VKORC1L1: variants seen among roughly 807,000 people sequenced by gnomAD.
VKORC1L1 encodes the protein vitamin K epoxide reductase complex subunit 1-like protein 1.
A neutral mutation model predicts 18.9 loss-of-function variants in VKORC1L1; 2 were observed. The ratio of observed to expected loss-of-function variants is 0.11; its 90% CI spans 0.04 to 0.33. The LOEUF (loss-of-function observed/expected upper bound fraction) is 0.33, where lower values mean the gene tolerates loss of function less well. Ranked by LOEUF, VKORC1L1 falls within the 10% of genes least tolerant of loss-of-function variation. VKORC1L1 has a pLI of 1.00. For synonymous variants in VKORC1L1, 96 were observed against 100.0 expected (o/e 0.96, Z 0.24); for missense variants, 123 against 224.1 (o/e 0.55, Z 2.88).
intron 1 of VKORC1L1, among the ~76,000 whole-genome samples, chr7:65,899,454 G>A (rs373168291): frequency 6.6e-6 from 1 of 152,158 alleles, no homozygotes; most frequent in East Asian, 1.9e-4. Flanking sequence ...TTATTCTAGA[G>A]CCCTCTGCAG....
Position 65,945,217 on chromosome 7 carries a change from C to T in VKORC1L1, c.195-3454C>T, listed in dbSNP as rs115034214. Reference sequence around the variant, plus strand: ...TGAAGGTTGCATTGAGCTGAGATTGCGCTGCTACACTCCAGCCTGGGCGAC... The same window carrying T: ...TGAAGGTTGCATTGAGCTGAGATTGTGCTGCTACACTCCAGCCTGGGCGAC... On this transcript the variant is annotated intron_variant, in intron 1 of 2. Transcript: ENST00000360768. Among the ~76,000 whole-genome samples the T allele has an allele frequency of 7.8e-3, 1,176 of 151,450 alleles. 13 individuals are homozygous for T. The highest frequency in any genetic ancestry group is 0.026 in the African/African-American group (1,075 of 41,208).
intron 1 of VKORC1L1, among the ~76,000 whole-genome samples, chr7:65,917,617 T>C (rs1231800375): frequency 1.3e-5 from 2 of 152,210 alleles, no homozygotes; most frequent in Non-Finnish European, 2.9e-5. Context: ...AAGAATTTTC[T>C]AGAGAATGCC....
chr7:65,880,338 T>A (rs1788907287), intron 1 of VKORC1L1, among the ~76,000 whole-genome samples: 1 of 152,214 alleles, frequency 6.6e-6, no homozygotes, highest in Non-Finnish European at 1.5e-5. Flanking sequence ...GAAATTACTG[T>A]GAAGGTATTG....
intron 1 of VKORC1L1, among the ~76,000 whole-genome samples, chr7:65,903,999 C>T (rs1789364095): frequency 6.6e-6 from 1 of 152,144 alleles, no homozygotes; most frequent in East Asian, 1.9e-4. Context: ...CTAACAGGTA[C>T]AGGATTTCCC....
chr7:65,957,065 G>A lies in VKORC1L1; in HGVS notation c.*2765G>A, dbSNP rs1353883269. The A allele has an allele frequency of 2.6e-5, 4 of 152,134 alleles. No individual in the cohort carries two copies. The highest frequency in any genetic ancestry group is 2.1e-4 in the South Asian group (1 of 4,824). The allele number at this position is 152,134 out of a possible 1,614,324, so 9.4% of individuals were successfully genotyped here. A position where few individuals can be genotyped will look rare whatever the true frequency, so the allele number is the denominator to read the frequency against. ...TTGCTCTCACTAAAGGTAAATTTCC[G>A]GTGAAATAACTCAGGTTTAACTAGC... On this transcript the variant is annotated 3_prime_UTR_variant, in exon 3 of 3. Transcript: ENST00000360768.
At chr7:65,948,898 A>T (rs1790165103) in intron 2 of VKORC1L1, 118 bp downstream of exon 2, 7 of 1,290,308 alleles carry the variant, frequency 5.4e-6, no homozygotes, top group Non-Finnish European at 7.4e-6. Flanking sequence ...TAGCGTGTAC[A>T]ACATTTTTGT....
chr7:65,873,225 G>A lies in VKORC1L1; in HGVS notation c.-147G>A. ...GGGGCGGGGCCCGGAGCAGGCCACC[G>A]AGCCAATGGGGCGCGGCGGCGGCGG... On this transcript the variant is annotated 5_prime_UTR_variant, in exon 1 of 3. Coordinates refer to ENST00000360768, the MANE Select transcript of VKORC1L1 (RefSeq NM_173517.6). The A allele has an allele frequency of 1.1e-6, 1 of 944,610 alleles. No homozygotes were observed. The highest frequency in any genetic ancestry group is 1.3e-6 in the Non-Finnish European group (1 of 794,172). The allele number at this position is 944,610 out of a possible 1,614,324, so 58.5% of individuals were successfully genotyped here. A position where few individuals can be genotyped will look rare whatever the true frequency, so the allele number is the denominator to read the frequency against.
chr7:65,898,374 A>G (rs1440389496), intron 1 of VKORC1L1, among the ~76,000 whole-genome samples: 2 of 151,996 alleles, frequency 1.3e-5, no homozygotes, highest in African/African-American at 4.8e-5. Flanking sequence ...GTGAGCCACT[A>G]CGCCCGGCCA....
intron 1 of VKORC1L1, among the ~76,000 whole-genome samples, chr7:65,885,680 A>G (rs1304169173): frequency 3.3e-5 from 5 of 152,038 alleles, no homozygotes; most frequent in African/African-American, 1.2e-4. Flanking sequence ...CAAATGCCAC[A>G]AGGCTTTTCT....
At chr7:65,867,995 T>G in the VKORC1L1 span, among the ~76,000 whole-genome samples, 1 of 152,172 alleles carries the variant, frequency 6.6e-6, no homozygotes, top group African/African-American at 2.4e-5. Context: ...TACAGGCACA[T>G]GCCACCATGC....
chr7:65,911,640 C>T (rs1301938083), intron 1 of VKORC1L1, among the ~76,000 whole-genome samples: 1 of 152,060 alleles, frequency 6.6e-6, no homozygotes, highest in Non-Finnish European at 1.5e-5. Context: ...GCTATTTTGC[C>T]CAGGTTAGTC....
intron 1 of VKORC1L1, among the ~76,000 whole-genome samples, chr7:65,913,041 G>A (rs187337255): frequency 7.9e-5 from 12 of 152,288 alleles, no homozygotes; most frequent in Admixed American, 7.2e-4. Context: ...AGGTAGGGAG[G>A]TGTGGGTATC....
At chr7:65,933,878 T>G (rs958353969) in intron 1 of VKORC1L1, among the ~76,000 whole-genome samples, 25 of 152,228 alleles carry the variant, frequency 1.6e-4, no homozygotes, top group Admixed American at 1.6e-3. Context: ...CGTATTCTAG[T>G]TAGATTTTAT....
At chr7:65,926,344 C>T (rs536102528) in intron 1 of VKORC1L1, among the ~76,000 whole-genome samples, 36 of 152,030 alleles carry the variant, frequency 2.4e-4, no homozygotes, top group Non-Finnish European at 3.1e-4. Context: ...TTAGTAGAGA[C>T]GGGGTTTCAC....
intron 1 of VKORC1L1, among the ~76,000 whole-genome samples, chr7:65,948,188 T>G (rs1271525523): frequency 6.6e-6 from 1 of 152,102 alleles, no homozygotes; most frequent in Admixed American, 6.6e-5. Flanking sequence ...ACACCTGGGA[T>G]GGAGGAGTAC....
chr7:65,948,017 T>C (rs1283199003), intron 1 of VKORC1L1, among the ~76,000 whole-genome samples: 1 of 152,162 alleles, frequency 6.6e-6, no homozygotes, highest in Non-Finnish European at 1.5e-5. Flanking sequence ...TCCCAGTATA[T>C]TTCTTAATGC....
At chr7:65,912,400 G>A (rs1789516560) in intron 1 of VKORC1L1, among the ~76,000 whole-genome samples, 1 of 152,230 alleles carries the variant, frequency 6.6e-6, no homozygotes, top group Non-Finnish European at 1.5e-5. Context: ...AGCTCACAGT[G>A]TTGACAGCTG....
Position 65,957,388 on chromosome 7 carries a change from G to GGA in VKORC1L1, c.*3091_*3092dup, listed in dbSNP as rs1790313282. The GGA allele has an allele frequency of 6.6e-6, 1 of 152,268 alleles. No individual in the cohort carries two copies. Among genetic ancestry groups the GGA allele is most frequent in the Admixed American group, 6.6e-5 (1 of 15,240 alleles). The allele number at this position is 152,268 out of a possible 1,614,324, so 9.4% of individuals were successfully genotyped here. A position where few individuals can be genotyped will look rare whatever the true frequency, so the allele number is the denominator to read the frequency against. ...CCCAGCTACTCGGGAGGCTGAGGGAGGAGAATTGCTTGAGCCCGGGAGACA... is the reference window on the plus strand; with the variant it reads ...CCCAGCTACTCGGGAGGCTGAGGGAGGAGAGAATTGCTTGAGCCCGGGAGACA... On this transcript the variant is annotated 3_prime_UTR_variant, in exon 3 of 3. Transcript: ENST00000360768.
rs767727445 is a variant in VKORC1L1 at position 65,955,825 on chromosome 7, A to G, written c.*1525A>G. 10 of 152,190 alleles carry G rather than the reference A, an allele frequency of 6.6e-5. No individual in the cohort carries two copies. Among genetic ancestry groups the G allele is most frequent in the Non-Finnish European group, 1.3e-4 (9 of 68,026 alleles). The allele number at this position is 152,190 out of a possible 1,614,324, so 9.4% of individuals were successfully genotyped here. A position where few individuals can be genotyped will look rare whatever the true frequency, so the allele number is the denominator to read the frequency against. On this transcript the variant is annotated 3_prime_UTR_variant, in exon 3 of 3. Coordinates refer to ENST00000360768, the MANE Select transcript of VKORC1L1 (RefSeq NM_173517.6). ...AATCATTTTATGTTGAAAATAGTCAATGAGACCAGTATCTCTTGAGTGCTT... is the reference window on the plus strand; with the variant it reads ...AATCATTTTATGTTGAAAATAGTCAGTGAGACCAGTATCTCTTGAGTGCTT...
Sources: gnomAD v4.1 joint callset for allele counts (sites outside exome capture counted in the v4.1 genomes callset) on GRCh38, gnomAD v4.1.1 for gene constraint, MANE v1.5 for transcripts, NCBI Gene and HGNC (gene_info 2026-07-23, HGNC 2026-07-21) for gene names.